RFX3: variants seen among roughly 807,000 people sequenced by gnomAD.
RFX3 encodes the protein transcription factor RFX3.
Under a neutral mutation model 98.6 loss-of-function variants are expected in RFX3, and 14 were observed. The observed-to-expected ratio is 0.14, with a 90% CI of 0.09 to 0.22. The LOEUF (loss-of-function observed/expected upper bound fraction) is 0.22, where lower values mean the gene tolerates loss of function less well. RFX3 is among the 10% of genes least tolerant of loss of function. The pLI is 1.00. For missense variants in RFX3, 639 were observed against 926.9 expected (o/e 0.69, Z 4.03); for synonymous variants, 383 against 328.4 (o/e 1.17, Z -1.80).
intron 3 of RFX3, among the ~76,000 whole-genome samples, chr9:3,336,688 G>C (rs1037297104): frequency 3.3e-5 from 5 of 152,046 alleles, no homozygotes; most frequent in Non-Finnish European, 5.9e-5. Flanking sequence ...AAAGAAATGA[G>C]GTTAAGGAAG....
At chr9:3,282,052 A>T (rs1333651852) in intron 7 of RFX3, among the ~76,000 whole-genome samples, 2 of 151,836 alleles carry the variant, frequency 1.3e-5, no homozygotes, top group African/African-American at 4.8e-5. Flanking sequence ...TTACACAATC[A>T]TTTTATTTGC....
chr9:3,337,708 C>T (rs1208026932), intron 3 of RFX3, among the ~76,000 whole-genome samples: 1 of 152,196 alleles, frequency 6.6e-6, no homozygotes, highest in East Asian at 1.9e-4. Flanking sequence ...TGCTGCCTGA[C>T]ATCACTTGTG....
At chr9:3,469,468 T>A (rs1848587055) in intron 1 of RFX3, among the ~76,000 whole-genome samples, 1 of 152,176 alleles carries the variant, frequency 6.6e-6, no homozygotes, top group African/African-American at 2.4e-5. Flanking sequence ...ATATATAAAC[T>A]ACGAAATCTC....
intron 1 of RFX3, among the ~76,000 whole-genome samples, chr9:3,505,286 T>G (rs1172851576): frequency 1.6e-5 from 1 of 62,376 alleles, no homozygotes; most frequent in Non-Finnish European, 2.6e-5. Context: ...ATATATACAT[T>G]TTTATATTTA....
chr9:3,476,174 T>TATATATA (rs1203043765), intron 1 of RFX3, among the ~76,000 whole-genome samples: 1 of 148,468 alleles, frequency 6.7e-6, no homozygotes, highest in African/African-American at 2.5e-5. Flanking sequence ...TCATATATAA[T>TATATATA]ATATATAATA....
chr9:3,273,123 A>G (rs995099387), intron 9 of RFX3, among the ~76,000 whole-genome samples: 1 of 152,190 alleles, frequency 6.6e-6, no homozygotes, highest in Non-Finnish European at 1.5e-5. Context: ...ATATAGGCAA[A>G]TATAAATTAA....
chr9:3,306,588 C>T lies in RFX3; in HGVS notation c.475-4968G>A, dbSNP rs893841203. ...ACACAGGAAGGGGAACATCACACAC[C>T]GGGGACTGTTGTGGGGTGGGGGGAG... On this transcript the variant is annotated intron_variant, in intron 4 of 16. Coordinates refer to ENST00000617270, the MANE Select transcript of RFX3 (RefSeq NM_001282116.2). 3.9e-4 allele frequency among the ~76,000 whole-genome samples: 39 copies of T among 100,588 alleles called. No individual in the cohort carries two copies. The South Asian group carries it at 0.011, about 28-fold the overall frequency. The allele number at this position is 100,588 out of a possible 152,430, so 66.0% of individuals were successfully genotyped here.
intron 2 of RFX3, chr9:3,364,894 G>A (rs1013350384): frequency 4.6e-5 from 7 of 152,250 alleles, no homozygotes; most frequent in Admixed American, 1.3e-4. Flanking sequence ...TCAGTTTTAT[G>A]AATATAAGAT....
chr9:3,377,132 G>C (rs1838629489), intron 2 of RFX3, among the ~76,000 whole-genome samples: 1 of 152,206 alleles, frequency 6.6e-6, no homozygotes, highest in African/African-American at 2.4e-5. Context: ...CTGCTATAAA[G>C]ACACATGCAC....
intron 1 of RFX3, among the ~76,000 whole-genome samples, chr9:3,523,047 C>T (rs557058911): frequency 6.6e-6 from 1 of 152,128 alleles, no homozygotes; most frequent in East Asian, 1.9e-4. Flanking sequence ...TGCAAAACTT[C>T]TAGAAATTCA....
chr9:3,334,284 A>G (rs902456393), intron 3 of RFX3, among the ~76,000 whole-genome samples: 3 of 148,614 alleles, frequency 2.0e-5, no homozygotes, highest in Non-Finnish European at 3.0e-5. Context: ...CCTGTAGATG[A>G]TGTACTTGCA....
chr9:3,346,585 C>G (rs891111724), intron 3 of RFX3, 82 bp downstream of exon 3: 1 of 845,912 alleles, frequency 1.2e-6, no homozygotes, highest in African/African-American at 1.7e-5. Flanking sequence ...AGGAAACAAT[C>G]TGGGAATAGT....
At chr9:3,352,102 T>C (rs560684828) in intron 2 of RFX3, among the ~76,000 whole-genome samples, 4 of 152,152 alleles carry the variant, frequency 2.6e-5, no homozygotes, top group Admixed American at 6.6e-5. Context: ...AAGTAAGATA[T>C]ATATGTATTT....
At chr9:3,339,559 C>G (rs1431937979) in intron 3 of RFX3, among the ~76,000 whole-genome samples, 1 of 152,140 alleles carries the variant, frequency 6.6e-6, no homozygotes, top group African/African-American at 2.4e-5. Context: ...CAGCTCCTGT[C>G]TCACTGATCA....
At chr9:3,488,114 C>A (rs1451792482) in intron 1 of RFX3, among the ~76,000 whole-genome samples, 1 of 152,098 alleles carries the variant, frequency 6.6e-6, no homozygotes, top group Non-Finnish European at 1.5e-5. Flanking sequence ...TTCCTTACTT[C>A]ACATACTACA....
intron 4 of RFX3, among the ~76,000 whole-genome samples, chr9:3,308,351 T>C (rs905887224): frequency 2.6e-4 from 39 of 152,284 alleles, no homozygotes; most frequent in African/African-American, 9.1e-4. Flanking sequence ...TCAGTGCTAC[T>C]GGAAGCCAGA....
At chr9:3,260,516 TATAA>T (rs1822738850) in intron 13 of RFX3, among the ~76,000 whole-genome samples, 3 of 151,910 alleles carry the variant, frequency 2.0e-5, no homozygotes, top group Admixed American at 1.3e-4. Flanking sequence ...CGGATATTAT[TATAA>T]ATAATTCTTT....
intron 5 of RFX3, among the ~76,000 whole-genome samples, chr9:3,294,706 A>G (rs1302772866): frequency 6.6e-6 from 1 of 152,144 alleles, no homozygotes; most frequent in Non-Finnish European, 1.5e-5. Flanking sequence ...TTCCTACATG[A>G]TGTTTATGTA....
At chr9:3,491,628 G>C (rs1261478403) in intron 1 of RFX3, among the ~76,000 whole-genome samples, 1 of 152,058 alleles carries the variant, frequency 6.6e-6, no homozygotes, top group South Asian at 2.1e-4. Flanking sequence ...TTCCAAATAG[G>C]TTACAAATAA....
Sources: allele counts gnomAD v4.1 joint callset (sites outside exome capture counted in the v4.1 genomes callset), GRCh38; gene constraint gnomAD v4.1.1; transcripts MANE v1.5; gene names NCBI Gene and HGNC (gene_info 2026-07-23, HGNC 2026-07-21).